Variants in RNF144A observed in about 807,000 individuals in gnomAD.
RNF144A encodes the protein E3 ubiquitin-protein ligase RNF144A.
RNF144A carries 11 observed loss-of-function variants against 38.7 expected under a neutral mutation model. The ratio of observed to expected loss-of-function variants is 0.28; its 90% CI spans 0.18 to 0.47. The LOEUF is 0.47. RNF144A is among the 20% of genes least tolerant of loss of function. The pLI is 0.99. For missense variants in RNF144A, 316 were observed against 377.2 expected (o/e 0.84, Z 1.34); for synonymous variants, 149 against 143.9 (o/e 1.04, Z -0.25).
In RNF144A at chr2:6,936,541, G is replaced by A. The variant is rs181128066; in HGVS notation, c.-211-4407G>A. Reference sequence around the variant, plus strand: ...TTTTAGAGCCTTTATTTAACAAGGAGTCATCTTACATAATCTTAAAAAATC... The same window carrying A: ...TTTTAGAGCCTTTATTTAACAAGGAATCATCTTACATAATCTTAAAAAATC... On this transcript the variant is annotated intron_variant, in intron 1 of 8. Coordinates refer to ENST00000320892, the MANE Select transcript of RNF144A (RefSeq NM_014746.6). Among the ~76,000 whole-genome samples, 88 of 152,236 alleles carry A rather than the reference G, an allele frequency of 5.8e-4. 1 individual carries two copies. Among genetic ancestry groups the A allele is most frequent in the Non-Finnish European group, 1.2e-3 (79 of 68,024 alleles).
intron 6 of RNF144A, among the ~76,000 whole-genome samples, chr2:7,060,310 G>T (rs1402121678): frequency 6.6e-6 from 1 of 151,788 alleles, no homozygotes; most frequent in Non-Finnish European, 1.5e-5. Flanking sequence ...GATTAGGCTG[G>T]CATTCTGCGT....
At chr2:6,959,042 C>T (rs774801164) in intron 2 of RNF144A, among the ~76,000 whole-genome samples, 24 of 152,308 alleles carry the variant, frequency 1.6e-4, no homozygotes, top group Admixed American at 1.2e-3. Flanking sequence ...GCACAGAACA[C>T]GTGATGCTCC....
chr2:6,986,271 C>T (rs868623815), intron 2 of RNF144A, among the ~76,000 whole-genome samples: 21 of 151,540 alleles, frequency 1.4e-4, no homozygotes, highest in South Asian at 6.3e-4. Context: ...TTAAAGCTTT[C>T]GGAGGCCCAT....
At chr2:7,075,980 C>T in the RNF144A span, among the ~76,000 whole-genome samples, 3 of 152,196 alleles carry the variant, frequency 2.0e-5, no homozygotes, top group Non-Finnish European at 2.9e-5. Flanking sequence ...ATCTCTGCTC[C>T]TTATTGTGTA....
At chr2:7,070,171 T>TTA (rs1286887602), downstream of RNF144A, among the ~76,000 whole-genome samples, 13 of 152,200 alleles carry the variant, frequency 8.5e-5, no homozygotes, top group African/African-American at 3.1e-4. Flanking sequence ...TCTCTCTCTT[T>TTA]ATTTTTTAAT....
rs1306258570 is a variant in RNF144A at position 7,014,493 on chromosome 2, T to A, written c.175T>A (p.Leu59Ile). The change falls in exon 4 of 9, where the codon TTA becomes ATA. Residue 59 changes from leucine (L) to isoleucine (I), a missense_variant. By Grantham distance (5) the Leu-to-Ile change is conservative. Transcript: ENST00000320892. The stretch of plus-strand genomic sequence containing the variant: ...TGTTGAGCTCTTGATCAAAGAAGGA[T>A]TAGAAACCGCAATTAGCTGCCCAGA... ...QYVELLIKEG[L>I]ETAISCPDAA... 2.5e-6 allele frequency: 4 copies of A among 1,612,044 alleles called. No homozygotes were observed. The highest frequency in any genetic ancestry group is 3.4e-6 in the Non-Finnish European group (4 of 1,179,310).
chr2:7,053,817 T>C (rs1221832466), intron 6 of RNF144A, among the ~76,000 whole-genome samples: 1 of 152,240 alleles, frequency 6.6e-6, no homozygotes, highest in African/African-American at 2.4e-5. Flanking sequence ...CCACTTGTTA[T>C]ATAACCTGTT....
At chr2:7,036,555 T>C (rs906255458) in intron 8 of RNF144A, among the ~76,000 whole-genome samples, 5 of 152,208 alleles carry the variant, frequency 3.3e-5, no homozygotes, top group African/African-American at 1.2e-4. Context: ...ATCTATCTCT[T>C]GTACTTACAC....
In RNF144A at chr2:7,030,728, G is replaced by A. The variant is rs115439148; in HGVS notation, c.747+513G>A. 9.7e-3 allele frequency among the ~76,000 whole-genome samples: 1,480 copies of A among 152,206 alleles called. 12 individuals are homozygous for A. The highest frequency in any genetic ancestry group is 0.016 in the Non-Finnish European group (1,106 of 68,012). On this transcript the variant is annotated intron_variant, in intron 8 of 8. Coordinates refer to ENST00000320892, the MANE Select transcript of RNF144A (RefSeq NM_014746.6). ...TTTCCACAGACTGGGCAGGGGGATG[G>A]ATTTGGGATGATTCAGCATATTGCA... is the stretch of plus-strand genomic sequence containing the variant.
chr2:6,936,755 A>G (rs1246725229), intron 1 of RNF144A, among the ~76,000 whole-genome samples: 1 of 152,062 alleles, frequency 6.6e-6, no homozygotes, highest in East Asian at 1.9e-4. Flanking sequence ...AATTAATTGT[A>G]TTGAAGTTAC....
intron 6 of RNF144A, among the ~76,000 whole-genome samples, chr2:7,066,084 TTTTTTTTC>T (rs963800080): frequency 6.6e-6 from 1 of 152,102 alleles, no homozygotes; most frequent in Non-Finnish European, 1.5e-5. Flanking sequence ...TCTCTCTTTT[TTTTTTTTC>T]TTTTTTTCTT....
At chr2:7,071,654 C>G (rs1167391856), downstream of RNF144A, among the ~76,000 whole-genome samples, 1 of 152,202 alleles carries the variant, frequency 6.6e-6, no homozygotes, top group Non-Finnish European at 1.5e-5. Flanking sequence ...TAAATCTCCT[C>G]CCTACACTGT....
chr2:6,956,264 G>A (rs1666988837), intron 2 of RNF144A, among the ~76,000 whole-genome samples: 1 of 151,980 alleles, frequency 6.6e-6, no homozygotes, highest in South Asian at 2.1e-4. Flanking sequence ...GGGGGATAAG[G>A]TGCACAGTTA....
rs1290790140 is a variant in RNF144A, at chr2:6,944,992, G to A, written c.-12+3845G>A. On this transcript the variant is annotated intron_variant, in intron 2 of 8. Coordinates refer to ENST00000320892, the MANE Select transcript of RNF144A (RefSeq NM_014746.6). This position sits in a 1 kb window ranked among gnomAD's most constrained non-coding sequence, Gnocchi z 4.7. Reference sequence around the variant, plus strand: ...TTGAAGTAGCTAATTTTGAAATACAGGTTTTTGTTCTGTTTTGTTTTGTTT... The same window carrying A: ...TTGAAGTAGCTAATTTTGAAATACAAGTTTTTGTTCTGTTTTGTTTTGTTT... Among the ~76,000 whole-genome samples, 1 of 152,182 alleles carries A rather than the reference G, an allele frequency of 6.6e-6. No homozygotes were observed. Among genetic ancestry groups the A allele is most frequent in the Non-Finnish European group, 1.5e-5 (1 of 68,034 alleles).
chr2:7,000,058 A>AT (rs1258295669), intron 3 of RNF144A, among the ~76,000 whole-genome samples: 2 of 152,148 alleles, frequency 1.3e-5, no homozygotes, highest in African/African-American at 4.8e-5. Flanking sequence ...AATTGCTAAT[A>AT]TGGCACTCCC....
At chr2:7,019,305 C>T (rs77425034) in intron 5 of RNF144A, among the ~76,000 whole-genome samples, 5,658 of 152,328 alleles carry the variant, frequency 0.037, 161 homozygotes, top group Non-Finnish European at 0.057. Flanking sequence ...TTGTCATTAA[C>T]TTCCTGCTGG....
At chr2:7,062,121 C>T (rs1313598581) in intron 6 of RNF144A, among the ~76,000 whole-genome samples, 3 of 152,142 alleles carry the variant, frequency 2.0e-5, no homozygotes, top group East Asian at 1.9e-4. Context: ...TGAGGCTGGG[C>T]GCTCACTGTG....
At position 6,962,172 on chromosome 2, in the gene RNF144A, C is replaced by T. The variant is rs1465423944; in HGVS notation, c.-12+21025C>T. On this transcript the variant is annotated intron_variant, in intron 2 of 8. Transcript: ENST00000320892. The surrounding 1 kb of genome is among the most constrained non-coding windows in gnomAD (Gnocchi z 4.1). The stretch of plus-strand genomic sequence containing the variant: ...CCTGGTCTACATAGGGAGCTAAAGA[C>T]TGGTTATGCCAGGTGTGCCATTTGC... Among the ~76,000 whole-genome samples, 3 of 152,218 alleles carry T rather than the reference C, an allele frequency of 2.0e-5. No homozygotes were observed. The highest frequency in any genetic ancestry group is 7.2e-5 in the African/African-American group (3 of 41,456).
In RNF144A at chr2:6,941,620, C is replaced by T. The variant is rs555767667; in HGVS notation, c.-12+473C>T. On this transcript the variant is annotated intron_variant, in intron 2 of 8. Transcript: ENST00000320892. This position sits in a 1 kb window ranked among gnomAD's most constrained non-coding sequence, Gnocchi z 6.5. The stretch of plus-strand genomic sequence containing the variant: ...CAGACAATTCTCATTTGACAGTAGC[C>T]GGAAGCAAATTATATACTATGCAAC... Among the ~76,000 whole-genome samples, 76 of 152,214 alleles carry T rather than the reference C, an allele frequency of 5.0e-4. No homozygotes were observed. In the South Asian group the frequency reaches 6.8e-3, roughly 14 times the overall value.
Sources: allele counts gnomAD v4.1 joint callset (sites outside exome capture counted in the v4.1 genomes callset), GRCh38; gene constraint gnomAD v4.1.1; non-coding constraint Gnocchi (gnomAD v3.1); transcripts MANE v1.5; gene names NCBI Gene and HGNC (gene_info 2026-07-23, HGNC 2026-07-21).